XKR7: variants seen among roughly 807,000 people sequenced by gnomAD.
The protein encoded by XKR7 is XK related 7, also known as XK-related protein 7.
XKR7 carries 11 observed loss-of-function variants against 42.2 expected under a neutral mutation model. The ratio of observed to expected loss-of-function variants is 0.26; its 90% confidence interval spans 0.16 to 0.43. XKR7 has a LOEUF of 0.43. XKR7 is among the 20% of genes least tolerant of loss of function. The pLI, the probability that XKR7 is intolerant of heterozygous loss-of-function variation, is 1.00. For missense variants in XKR7, 710 were observed against 802.2 expected (o/e 0.89, Z 1.39); for synonymous variants, 346 against 366.4 (o/e 0.94, Z 0.64).
chr20:31,968,610 C>T lies in XKR7; in HGVS notation c.435C>T (p.Ala145=), dbSNP rs2123694310. 3 of 1,603,702 alleles carry T rather than the reference C, an allele frequency of 1.9e-6. No individual in the cohort carries two copies. The highest frequency in any genetic ancestry group is 2.5e-6 in the Non-Finnish European group (3 of 1,178,358). The change falls in exon 1 of 3, where the codon GCC becomes GCT. Residue 145 remains alanine (A), a synonymous_variant. Coordinates refer to ENST00000562532, the MANE Select transcript of XKR7 (RefSeq NM_001011718.2). This position sits in a 1 kb window ranked among gnomAD's most constrained non-coding sequence, Gnocchi z 4.5. The part of the protein sequence containing the change: ...GGAAISTKDS[A]GAFRTKEGSP... ...CCGCCATCAGCACCAAGGACAGCGC[C>T]GGCGCCTTCCGGACCAAAGAAGGCA...
intron 1 of XKR7, among the ~76,000 whole-genome samples, chr20:31,993,111 C>CAT (rs1555861849): frequency 0.036 from 5,397 of 150,610 alleles, 184 homozygotes; most frequent in South Asian, 0.084. Context: ...CACACACACA[C>CAT]ACACATACAC....
chr20:31,979,226 T>C (rs1035788503), intron 1 of XKR7, among the ~76,000 whole-genome samples: 9 of 152,114 alleles, frequency 5.9e-5, no homozygotes, highest in African/African-American at 2.2e-4. Flanking sequence ...TTTTTCTTTT[T>C]TTTTTAAAGA....
In XKR7 at chr20:31,996,505, C is replaced by T; in HGVS notation, c.788C>T (p.Ala263Val). 7.0e-7 allele frequency: 1 copy of T among 1,432,408 alleles called. No individual in the cohort carries two copies. Among genetic ancestry groups the T allele is most frequent in the Non-Finnish European group, 9.1e-7 (1 of 1,096,794 alleles). 88.7% of individuals were successfully genotyped at this position (1,432,408 alleles called of 1,614,324 possible). ...CCCCGCCCCTGCCCTGTCTCCACAG[C>T]CCTCTCCACCTCCGCCTCCCTCGTG... ...HRGGAPDLLP[A>V]LSTSASLVSL... The change falls in exon 3 of 3, where the codon GCC (alanine) becomes GTC (valine). Residue 263 changes from alanine (A) to valine (V), a missense_variant and splice_region_variant. This residue lies in a region of XKR7 where 708 missense variants were observed against 786.2 expected (regional missense o/e 0.90). Transcript: ENST00000562532.
At chr20:31,994,442 G>A (rs898943144) in intron 1 of XKR7, among the ~76,000 whole-genome samples, 1 of 152,262 alleles carries the variant, frequency 6.6e-6, no homozygotes, top group Non-Finnish European at 1.5e-5. Context: ...GCCGTGTGCG[G>A]TGGCTCATGC....
rs537477054 is a variant in XKR7, at chr20:31,995,861, C to T, written c.787+591C>T. Among the ~76,000 whole-genome samples the T allele has an allele frequency of 1.2e-4, 18 of 152,102 alleles. No individual in the cohort carries two copies. The highest frequency in any genetic ancestry group is 4.1e-4 in the African/African-American group (17 of 41,488). ...CCTCAATATCAGAGAAAAACCGCAT[C>T]CCCCTGTCTCCCTGAAGCACTCCGT... On this transcript the variant is annotated intron_variant, in intron 2 of 2. Transcript: ENST00000562532. This position sits in a 1 kb window ranked among gnomAD's most constrained non-coding sequence, Gnocchi z 4.1.
At chr20:31,971,459 G>GGCCT (rs1003336588) in intron 1 of XKR7, among the ~76,000 whole-genome samples, 4 of 152,196 alleles carry the variant, frequency 2.6e-5, no homozygotes, top group African/African-American at 9.7e-5. Flanking sequence ...AATGGCTAAG[G>GGCCT]GCCTGGATAA....
intron 1 of XKR7, among the ~76,000 whole-genome samples, chr20:31,992,998 G>A (rs1216856715): frequency 4.6e-5 from 7 of 151,984 alleles, no homozygotes; most frequent in African/African-American, 9.7e-5. Flanking sequence ...AAATGCCAGC[G>A]CTTCACCCTG....
At chr20:31,983,414 G>C (rs1376516757) in intron 1 of XKR7, among the ~76,000 whole-genome samples, 3 of 152,208 alleles carry the variant, frequency 2.0e-5, no homozygotes, top group Admixed American at 6.5e-5. Context: ...AGTGGTGAGG[G>C]GGATGGCTGG....
intron 1 of XKR7, among the ~76,000 whole-genome samples, chr20:31,974,602 T>C (rs969962500): frequency 3.9e-5 from 6 of 152,214 alleles, no homozygotes; most frequent in African/African-American, 1.4e-4. Context: ...GCCTGGAACA[T>C]AGGAAGTTCT....
chr20:31,978,859 G>C lies in XKR7; in HGVS notation c.584+10100G>C, dbSNP rs1398801940. On this transcript the variant is annotated intron_variant, in intron 1 of 2. Coordinates refer to ENST00000562532, the MANE Select transcript of XKR7 (RefSeq NM_001011718.2). The stretch of plus-strand genomic sequence containing the variant: ...TTCAAAAACATCGCTAAGTTGCTGG[G>C]CATGGTGGCTCATGCCTGTAATCCC... 3.3e-5 allele frequency among the ~76,000 whole-genome samples: 5 copies of C among 152,162 alleles called. No individual in the cohort carries two copies. The East Asian group carries it at 9.6e-4, about 29-fold the overall frequency.
Position 31,998,110 on chromosome 20 carries a change from T to C in XKR7, c.*653T>C, listed in dbSNP as rs1046154328. On this transcript the variant is annotated 3_prime_UTR_variant, in exon 3 of 3. Transcript: ENST00000562532. Reference sequence around the variant, plus strand: ...GGGGGGGTCTAGGCTGGCAGAAGCATGGAGGGGTGGAAGACTTGGGGGAGG... The same window carrying C: ...GGGGGGGTCTAGGCTGGCAGAAGCACGGAGGGGTGGAAGACTTGGGGGAGG... 2.3e-5 allele frequency: 1 copy of C among 42,910 alleles called. No homozygotes were observed. The highest frequency in any genetic ancestry group is 4.3e-5 in the Non-Finnish European group (1 of 23,520). The allele number at this position is 42,910 out of a possible 1,614,324, so 2.7% of individuals were successfully genotyped here.
intron 2 of XKR7, 35 bp from the exon 3 acceptor site, chr20:31,996,470 A>AACCCCCCCCCCCCCCCCCCCCC: frequency 2.5e-6 from 1 of 401,220 alleles, no homozygotes; most frequent in East Asian, 3.5e-5. Context: ...CCCGCCCCTA[A>AACCCCCCCCCCCCCCCCCCCCC]CCCAGCCCAC....
chr20:31,997,174 G>A lies in XKR7; in HGVS notation c.1457G>A (p.Gly486Glu), dbSNP rs758326134. The A allele has an allele frequency of 1.9e-6, 3 of 1,610,210 alleles. No individual in the cohort carries two copies. Among genetic ancestry groups the A allele is most frequent in the Non-Finnish European group, 2.5e-6 (3 of 1,179,984 alleles). ...AGGACTACAGGTGCTGAGCGGGATG[G>A]GGCCTCGGCGGGAGAGCGTGCAGGG... ...LPRTTGAERD[G>E]ASAGERAGTP... is the part of the protein sequence containing the mutation. Residue 486 changes from glycine to glutamate, a missense_variant, in exon 3 of 3, where the codon GGG (glycine) becomes GAG (glutamate). Coordinates refer to ENST00000562532, the MANE Select transcript of XKR7 (RefSeq NM_001011718.2).
Position 31,968,478 on chromosome 20 carries a change from G to A in XKR7, c.303G>A (p.Ser101=), listed in dbSNP as rs145349456. The change falls in exon 1 of 3, where the codon TCG becomes TCA. Residue 101 remains serine (S), a synonymous_variant. Transcript: ENST00000562532. This position sits in a 1 kb window ranked among gnomAD's most constrained non-coding sequence, Gnocchi z 4.5. ...CCTTGCTGTTCGTGCTCCTGCCCTC[G>A]CTGGTCGTGCAGTTACTGAGCTTCC... is the stretch of plus-strand genomic sequence containing the variant. The part of the protein sequence containing the change: ...SLTLLFVLLP[S]LVVQLLSFRW... The A allele has an allele frequency of 6.1e-5, 99 of 1,613,768 alleles. No homozygotes were observed. The highest frequency in any genetic ancestry group is 8.0e-5 in the Non-Finnish European group (94 of 1,179,882).
chr20:31,989,283 C>A (rs983734363), intron 1 of XKR7, among the ~76,000 whole-genome samples: 9 of 120,618 alleles, frequency 7.5e-5, no homozygotes, highest in African/African-American at 1.3e-4. Flanking sequence ...ACACCCCCCC[C>A]CCAGCGCATC....
intron 1 of XKR7, among the ~76,000 whole-genome samples, chr20:31,973,856 C>G (rs543661624): frequency 6.6e-6 from 1 of 152,154 alleles, no homozygotes; most frequent in Admixed American, 6.5e-5. Context: ...GGAACATGAT[C>G]TTGACTTGTG....
At chr20:31,987,015 A>G (rs942666584) in intron 1 of XKR7, among the ~76,000 whole-genome samples, 1 of 151,244 alleles carries the variant, frequency 6.6e-6, no homozygotes, top group African/African-American at 2.4e-5. Context: ...GCACAGACAG[A>G]CAGACCACCA....
intron 2 of XKR7, 118 bp from the exon 3 acceptor site, chr20:31,996,386 TC>T (rs2064591347): frequency 1.5e-6 from 1 of 676,308 alleles, no homozygotes; most frequent in Non-Finnish European, 2.3e-6. Context: ...GATCCACAGC[TC>T]CTTTCCTCAC....
chr20:32,001,620 A>G lies in XKR7; in HGVS notation c.*4163A>G, dbSNP rs1221758753. On this transcript the variant is annotated 3_prime_UTR_variant, in exon 3 of 3. Coordinates refer to ENST00000562532, the MANE Select transcript of XKR7 (RefSeq NM_001011718.2). ...CCACAGGGTCCCTGGTTTGGGAATC[A>G]TCTGATAAGGGCTACAGGCCCCTCC... 1 of 152,182 alleles carries G rather than the reference A, an allele frequency of 6.6e-6. No homozygotes were observed. The highest frequency in any genetic ancestry group is 2.4e-5 in the African/African-American group (1 of 41,434). 9.4% of individuals were successfully genotyped at this position (152,182 alleles called of 1,614,324 possible).
Sources: gnomAD v4.1 joint callset for allele counts (sites outside exome capture counted in the v4.1 genomes callset) on GRCh38, gnomAD v4.1.1 for gene constraint, gnomAD v4.1.1 regional missense constraint, Gnocchi (gnomAD v3.1) non-coding constraint, MANE v1.5 for transcripts, NCBI Gene and HGNC (gene_info 2026-07-23, HGNC 2026-07-21) for gene names.